Variants in VPS53 observed in about 807,000 individuals in gnomAD.
The protein encoded by VPS53 is vacuolar protein sorting-associated protein 53 homolog.
A neutral mutation model predicts 107.0 loss-of-function variants in VPS53; 70 were observed. The ratio of observed to expected loss-of-function variants is 0.65; its 90% CI spans 0.54 to 0.80. VPS53 has a LOEUF of 0.80. Ranked by LOEUF, VPS53 falls within the 30% of genes least tolerant of loss-of-function variation. The probability of loss-of-function intolerance (pLI) is 0.00; values close to 1 mark genes in which losing one functional copy is unlikely to be tolerated. For missense variants in VPS53, 917 were observed against 1,049.4 expected (o/e 0.87, Z 1.74); for synonymous variants, 409 against 393.3 (o/e 1.04, Z -0.47).
At chr17:671,624 C>T (rs1971949856) in intron 4 of VPS53, among the ~76,000 whole-genome samples, 3 of 152,132 alleles carry the variant, frequency 2.0e-5, no homozygotes, top group South Asian at 2.1e-4. Context: ...CCTCCGCATG[C>T]GAAATCTTCC....
At chr17:564,408 C>T (rs1381180104) in intron 13 of VPS53, among the ~76,000 whole-genome samples, 1 of 152,012 alleles carries the variant, frequency 6.6e-6, no homozygotes, top group Admixed American at 6.5e-5. Context: ...GGCATGATGG[C>T]GGGTGCCCGT....
intron 13 of VPS53, among the ~76,000 whole-genome samples, chr17:579,401 C>A (rs149264504): frequency 2.1e-3 from 321 of 151,616 alleles, no homozygotes; most frequent in African/African-American, 7.4e-3. Context: ...CAGTGCATTA[C>A]CGGAGAACCA....
At chr17:592,747 G>A (rs907220415) in intron 12 of VPS53, among the ~76,000 whole-genome samples, 5 of 152,148 alleles carry the variant, frequency 3.3e-5, no homozygotes, top group Admixed American at 6.5e-5. Flanking sequence ...AGTTTCTGCC[G>A]AGAGATCTGC....
intron 11 of VPS53, chr17:616,250 T>C (rs1459903703): frequency 2.0e-5 from 3 of 151,988 alleles, no homozygotes; most frequent in Non-Finnish European, 2.9e-5. Flanking sequence ...GAGGACGAAG[T>C]TGAATTAAAG....
At chr17:565,859 A>G (rs900589170) in intron 13 of VPS53, among the ~76,000 whole-genome samples, 1 of 152,084 alleles carries the variant, frequency 6.6e-6, no homozygotes, top group Non-Finnish European at 1.5e-5. Context: ...TCTGCCACCC[A>G]CCAACACTTT....
At chr17:571,447 A>T (rs1914047957) in intron 13 of VPS53, among the ~76,000 whole-genome samples, 1 of 151,852 alleles carries the variant, frequency 6.6e-6, no homozygotes, top group Non-Finnish European at 1.5e-5. Context: ...CTTGAAATTA[A>T]TTCAAAATAA....
intron 13 of VPS53, among the ~76,000 whole-genome samples, chr17:580,973 G>C (rs181449554): frequency 6.6e-6 from 1 of 150,958 alleles, no homozygotes; most frequent in Non-Finnish European, 1.5e-5. Flanking sequence ...AACCTAATGC[G>C]TTCCCAGATA....
At chr17:657,643 T>C in intron 5 of VPS53, 1 of 600,518 alleles carries the variant, frequency 1.7e-6, no homozygotes. Context: ...CTGTGATACC[T>C]GGAAGGAAGG....
At chr17:540,282 C>T (rs1225639642) in intron 17 of VPS53, 1 of 151,966 alleles carries the variant, frequency 6.6e-6, no homozygotes, top group African/African-American at 2.4e-5. Flanking sequence ...TTCCTGGGCT[C>T]CAGCAATCCT....
At chr17:580,389 G>A (rs1008433256) in intron 13 of VPS53, among the ~76,000 whole-genome samples, 2 of 137,852 alleles carry the variant, frequency 1.5e-5, no homozygotes, top group Admixed American at 7.5e-5. Flanking sequence ...CTTCCCTCAG[G>A]ACCTCAATCT....
Position 521,859 on chromosome 17 carries a change from G to T in VPS53, c.2086-121C>A, listed in dbSNP as rs11651340. On this transcript the variant is annotated intron_variant, in intron 19 of 21. Coordinates refer to ENST00000437048, the MANE Select transcript of VPS53 (RefSeq NM_001128159.3). ...TAACACATTCTTGTTGCAAAAAATT[G>T]GGGAAATAAACAGAAATATAAAAGA... 612,980 of 1,198,894 alleles carry T rather than the reference G, an allele frequency of 0.51. 166,068 individuals carry two copies. Among genetic ancestry groups the T allele is most frequent in the African/African-American group, 0.89 (57,038 of 64,146 alleles). The allele number at this position is 1,198,894 out of a possible 1,614,324, so 74.3% of individuals were successfully genotyped here. A position where few individuals can be genotyped will look rare whatever the true frequency, so the allele number is the denominator to read the frequency against.
chr17:682,331 G>A (rs1401638032), intron 4 of VPS53, among the ~76,000 whole-genome samples: 1 of 152,140 alleles, frequency 6.6e-6, no homozygotes, highest in Non-Finnish European at 1.5e-5. Context: ...AAAGAGTGCT[G>A]CTCTTACACT....
intron 4 of VPS53, among the ~76,000 whole-genome samples, chr17:689,508 C>G (rs1314399972): frequency 1.5e-5 from 2 of 131,438 alleles, no homozygotes; most frequent in Non-Finnish European, 3.1e-5. Context: ...GAGTCTCACT[C>G]TGTCACCAAG....
chr17:534,780 G>A (rs1409209168), intron 18 of VPS53, among the ~76,000 whole-genome samples: 4 of 152,046 alleles, frequency 2.6e-5, no homozygotes, highest in Admixed American at 6.6e-5. Context: ...GAGCTAGGCC[G>A]GGTGGCGAGC....
rs1298077217 is a variant in VPS53, at chr17:531,835, G to A, written c.2085+1007C>T. On this transcript the variant is annotated intron_variant, in intron 19 of 21. Coordinates refer to ENST00000437048, the MANE Select transcript of VPS53 (RefSeq NM_001128159.3). ...TCTGTTGCCCAGGCTGGAGAGCAGT[G>A]GCGTGATCTGAGCTCACTGCAACCT... 3.5e-5 allele frequency: 5 copies of A among 141,018 alleles called. No homozygotes were observed. In the Admixed American group the frequency reaches 3.7e-4, roughly 11 times the overall value. The allele number at this position is 141,018 out of a possible 1,614,324, so 8.7% of individuals were successfully genotyped here.
chr17:691,203 G>A (rs945690862), intron 4 of VPS53, among the ~76,000 whole-genome samples: 2 of 152,340 alleles, frequency 1.3e-5, no homozygotes, highest in East Asian at 3.9e-4. Context: ...TTCAGAAGCT[G>A]TAGTAAGGAA....
intron 9 of VPS53, among the ~76,000 whole-genome samples, chr17:627,733 C>T (rs1477899938): frequency 2.0e-5 from 3 of 151,726 alleles, no homozygotes; most frequent in East Asian, 1.9e-4. Context: ...TGAGATCGCA[C>T]CACTGCGTTC....
intron 7 of VPS53, among the ~76,000 whole-genome samples, chr17:645,528 T>C (rs1970651564): frequency 6.6e-6 from 1 of 152,254 alleles, no homozygotes; most frequent in African/African-American, 2.4e-5. Flanking sequence ...CATTTATCTA[T>C]GTTTTCCTTT....
intron 7 of VPS53, among the ~76,000 whole-genome samples, chr17:638,817 A>C (rs1970307725): frequency 6.6e-6 from 1 of 152,184 alleles, no homozygotes; most frequent in African/African-American, 2.4e-5. Context: ...CTTTGTGGGT[A>C]ACCTGACCTT....
Sources: gnomAD v4.1 joint callset for allele counts (sites outside exome capture counted in the v4.1 genomes callset) on GRCh38, gnomAD v4.1.1 for gene constraint, MANE v1.5 for transcripts, NCBI Gene and HGNC (gene_info 2026-07-23, HGNC 2026-07-21) for gene names.